TCTN2: variants seen among roughly 807,000 people sequenced by gnomAD.
The protein encoded by TCTN2 is tectonic-2.
A neutral mutation model predicts 83.4 loss-of-function variants in TCTN2; 66 were observed. The ratio of observed to expected loss-of-function variants is 0.79; its 90% CI spans 0.65 to 0.97. The LOEUF (loss-of-function observed/expected upper bound fraction) is 0.97. TCTN2 is among the 50% of genes least tolerant of loss of function. The pLI, the probability that TCTN2 is intolerant of heterozygous loss-of-function variation, is 0.00. For synonymous variants in TCTN2, 301 were observed against 326.7 expected, an observed-to-expected ratio of 0.92 and a Z score of 0.85; for missense variants, 794 against 858.1, an observed-to-expected ratio of 0.93 and a Z score of 0.93.
At position 123,699,779 on chromosome 12, in the gene TCTN2, T is replaced by C. The variant is rs1294967321; in HGVS notation, c.1581T>C (p.Ala527=). 1.2e-6 allele frequency: 2 copies of C among 1,614,160 alleles called. No homozygotes were observed. Among genetic ancestry groups the C allele is most frequent in the East Asian group, 2.2e-5 (1 of 44,884 alleles). The change falls in exon 14 of 18, where the codon GCT becomes GCC. Residue 527 remains alanine, a synonymous_variant. Transcript: ENST00000303372. Reference sequence around the variant, plus strand: ...CAATGAGAGGCAACTCCGATTACGCTGATCTTAGTGATGGCTGGCTCGAAA... The same window carrying C: ...CAATGAGAGGCAACTCCGATTACGCCGATCTTAGTGATGGCTGGCTCGAAA... ...HVAMRGNSDY[A]DLSDGWLEII... is the part of the protein sequence containing the mutation.
intron 5 of TCTN2, among the ~76,000 whole-genome samples, chr12:123,680,212 C>T (rs976237068): frequency 6.6e-5 from 10 of 151,376 alleles, no homozygotes; most frequent in Non-Finnish European, 8.8e-5. Context: ...ATTAGCCAGG[C>T]GTGTTGGTGG....
chr12:123,697,604 A>T (rs981521143), intron 13 of TCTN2, among the ~76,000 whole-genome samples: 5 of 151,812 alleles, frequency 3.3e-5, no homozygotes, highest in African/African-American at 1.2e-4. Context: ...GGTTCAAGCA[A>T]TTCTCCTGCC....
chr12:123,696,952 T>C (rs1446839571), intron 12 of TCTN2, 135 bp from the exon 13 acceptor site: 4 of 725,424 alleles, frequency 5.5e-6, no homozygotes, highest in Non-Finnish European at 9.8e-6. Flanking sequence ...AGGATTAGAC[T>C]AACAGTGATC....
intron 16 of TCTN2, 27 bp downstream of exon 16, chr12:123,706,878 A>T: frequency 6.2e-7 from 1 of 1,614,186 alleles, no homozygotes; most frequent in Non-Finnish European, 8.5e-7. Flanking sequence ...CCTAGTTGAC[A>T]TTAGGAAGCA....
chr12:123,696,978 T>C, intron 12 of TCTN2, 109 bp from the exon 13 acceptor site: 1 of 897,132 alleles, frequency 1.1e-6, no homozygotes, highest in Non-Finnish European at 1.8e-6. Flanking sequence ...TTTTGAAAAC[T>C]GGCAACTTTA....
At chr12:123,683,019 T>TTCGA (rs1354310740) in intron 5 of TCTN2, among the ~76,000 whole-genome samples, 1 of 150,772 alleles carries the variant, frequency 6.6e-6, no homozygotes, top group Non-Finnish European at 1.5e-5. Context: ...AGGTCAGGAG[T>TTCGA]TCGAGACCAA....
intron 14 of TCTN2, chr12:123,700,124 G>A (rs988395138): frequency 2.5e-5 from 11 of 442,798 alleles, no homozygotes; most frequent in East Asian, 4.8e-5. Flanking sequence ...GGATCCTCCC[G>A]CCTCAGCCTT....
In TCTN2 at chr12:123,707,950, C is replaced by T. The variant is rs755471021; in HGVS notation, c.*237C>T. ...CTCTCGAACTCCTGACCTCATGATCCGCCCATCTTGGCCTCCCAAAGTGCT... is the reference window on the plus strand; with the variant it reads ...CTCTCGAACTCCTGACCTCATGATCTGCCCATCTTGGCCTCCCAAAGTGCT... On this transcript the variant is annotated 3_prime_UTR_variant, in exon 18 of 18. Transcript: ENST00000303372. 16 of 524,280 alleles carry T rather than the reference C, an allele frequency of 3.1e-5. No individual in the cohort carries two copies. The highest frequency in any genetic ancestry group is 1.0e-4 in the South Asian group (5 of 48,438). 32.5% of individuals were successfully genotyped at this position (524,280 alleles called of 1,614,324 possible).
chr12:123,677,692 G>A (rs756010202), intron 4 of TCTN2, among the ~76,000 whole-genome samples: 2 of 152,052 alleles, frequency 1.3e-5, no homozygotes, highest in Non-Finnish European at 2.9e-5. Flanking sequence ...TCCCATTCAC[G>A]CCCGCCACCT....
At chr12:123,699,665 T>G in intron 13 of TCTN2, 39 bp from the exon 14 acceptor site, 2 of 1,521,652 alleles carry the variant, frequency 1.3e-6, no homozygotes, top group Non-Finnish European at 1.8e-6. Context: ...GGACAAGACC[T>G]GCTGGCCATG....
intron 9 of TCTN2, 109 bp from the exon 10 acceptor site, chr12:123,694,733 G>A: frequency 2.6e-6 from 3 of 1,167,634 alleles, no homozygotes; most frequent in African/African-American, 1.5e-5. Flanking sequence ...GATAGGGAGG[G>A]CAGGGGCAGG....
chr12:123,672,206 A>G (rs1178146610), intron 3 of TCTN2, 74 bp downstream of exon 3: 2 of 1,269,286 alleles, frequency 1.6e-6, no homozygotes, highest in East Asian at 2.3e-5. Context: ...TGCTCTCTTT[A>G]TTTAACAAGG....
At position 123,677,966 on chromosome 12, in the gene TCTN2, G is replaced by A. The variant is rs140370196; in HGVS notation, c.464-1223G>A. On this transcript the variant is annotated intron_variant, in intron 4 of 17. Coordinates refer to ENST00000303372, the MANE Select transcript of TCTN2 (RefSeq NM_024809.5). Reference sequence around the variant, plus strand: ...CTCTTACGTGTGTTTCAGGCTCAGCGCATTCTCTCTCTCTGCAAGTCTTCC... The same window carrying A: ...CTCTTACGTGTGTTTCAGGCTCAGCACATTCTCTCTCTCTGCAAGTCTTCC... 6.6e-5 allele frequency among the ~76,000 whole-genome samples: 10 copies of A among 152,278 alleles called. No individual in the cohort carries two copies. The East Asian group carries it at 1.2e-3, about 18-fold the overall frequency.
intron 14 of TCTN2, 84 bp from the exon 15 acceptor site, chr12:123,704,448 T>C: frequency 7.1e-7 from 1 of 1,405,336 alleles, no homozygotes; most frequent in South Asian, 1.2e-5. Flanking sequence ...TGCCTGATAT[T>C]ATTCCCCATT....
At position 123,688,138 on chromosome 12, in the gene TCTN2, C is replaced by T. The variant is rs2135836333; in HGVS notation, c.852C>T (p.Pro284=). The T allele has an allele frequency of 1.9e-6, 3 of 1,613,686 alleles. No individual in the cohort carries two copies. The highest frequency in any genetic ancestry group is 8.5e-7 in the Non-Finnish European group (1 of 1,179,778). Residue 284 remains proline, a synonymous_variant, in exon 7 of 18, where the codon CCC becomes CCT. Transcript: ENST00000303372. ...FADFGYKQGD[P]IMTVKKAYFT... is the part of the protein sequence containing the mutation. ...ACTTTGGTTACAAACAAGGAGATCC[C>T]ATTATGACTGTAAAGAAGGCATATT...
At chr12:123,676,814 T>C (rs1243249132) in intron 4 of TCTN2, among the ~76,000 whole-genome samples, 4 of 151,998 alleles carry the variant, frequency 2.6e-5, no homozygotes, top group Non-Finnish European at 5.9e-5. Context: ...CAGCGAACAA[T>C]GTAGAAAACA....
intron 6 of TCTN2, 140 bp from the exon 7 acceptor site, chr12:123,687,911 C>G (rs562162888): frequency 2.1e-5 from 25 of 1,166,740 alleles, no homozygotes; most frequent in South Asian, 1.1e-4. Flanking sequence ...TAGCAGTGAA[C>G]AAAGATCACG....
rs1025012973 is a variant in TCTN2, at chr12:123,707,597, T to G, written c.1985-7T>G. On this transcript the variant is annotated splice_region_variant and splice_polypyrimidine_tract_variant and intron_variant, in intron 17 of 17. Transcript: ENST00000303372. Reference sequence around the variant, plus strand: ...ACTGCTGTTGAATTTTGTCCATTGTTTTTCAGGGGAGCTGCATTCTCAGTG... The same window carrying G: ...ACTGCTGTTGAATTTTGTCCATTGTGTTTCAGGGGAGCTGCATTCTCAGTG... The G allele has an allele frequency of 6.2e-6, 10 of 1,613,692 alleles. No individual in the cohort carries two copies. Among genetic ancestry groups the G allele is most frequent in the Middle Eastern group, 1.6e-4 (1 of 6,062 alleles).
intron 3 of TCTN2, among the ~76,000 whole-genome samples, 158 bp from the exon 4 acceptor site, chr12:123,673,457 A>G (rs1955780378): frequency 6.6e-6 from 1 of 152,212 alleles, no homozygotes; most frequent in Non-Finnish European, 1.5e-5. Context: ...CCATAGGTTT[A>G]TGGGGGGGAA....
Sources: allele counts gnomAD v4.1 joint callset (sites outside exome capture counted in the v4.1 genomes callset), GRCh38; gene constraint gnomAD v4.1.1; transcripts MANE v1.5; gene names NCBI Gene and HGNC (gene_info 2026-07-23, HGNC 2026-07-21).